Variants in TAF2 observed in about 807,000 individuals in gnomAD.
TAF2 encodes TATA-box binding protein associated factor 2.
TAF2 carries 61 observed loss-of-function variants against 138.5 expected under a neutral mutation model. That is an observed-to-expected ratio of 0.44 (90% CI 0.36 to 0.54). The LOEUF (loss-of-function observed/expected upper bound fraction) is 0.54, where lower values mean the gene tolerates loss of function less well. Among genes scored for constraint, TAF2 ranks in the 20% least tolerant of loss-of-function variants. The pLI is 0.00. For missense variants in TAF2, 1,090 were observed against 1,427.9 expected, an observed-to-expected ratio of 0.76 and a Z score of 3.81; for synonymous variants, 475 against 469.9, an observed-to-expected ratio of 1.01 and a Z score of -0.14.
chr8:119,828,778 G>C (rs568465018), intron 2 of TAF2, among the ~76,000 whole-genome samples: 2 of 152,308 alleles, frequency 1.3e-5, no homozygotes, highest in East Asian at 3.9e-4. Context: ...GGTGGGAACA[G>C]GGCTGAACTG....
chr8:119,744,843 C>T (rs905895021), intron 23 of TAF2: 49 of 452,784 alleles, frequency 1.1e-4, no homozygotes, highest in African/African-American at 8.2e-4. Context: ...AGGTGAATAT[C>T]CTACACTGTT....
intron 8 of TAF2, 135 bp downstream of exon 8, chr8:119,796,855 C>T: frequency 1.6e-6 from 1 of 620,644 alleles, no homozygotes. Context: ...AATCATTTTT[C>T]TTTAAATACA....
At chr8:119,792,932 T>C (rs1823542760) in intron 10 of TAF2, among the ~76,000 whole-genome samples, 1 of 152,148 alleles carries the variant, frequency 6.6e-6, no homozygotes, top group South Asian at 2.1e-4. Context: ...ATTTCTACTG[T>C]TTACATTATT....
intron 18 of TAF2, among the ~76,000 whole-genome samples, chr8:119,775,554 T>C (rs1822167739): frequency 6.6e-6 from 1 of 151,440 alleles, no homozygotes. Context: ...AGTACAACAA[T>C]TAGCTGGGCG....
chr8:119,739,944 G>A (rs1368815858), intron 25 of TAF2, among the ~76,000 whole-genome samples: 1 of 151,810 alleles, frequency 6.6e-6, no homozygotes, highest in Non-Finnish European at 1.5e-5. Context: ...AAAAACTTTT[G>A]TGAGACTTAT....
intron 11 of TAF2, among the ~76,000 whole-genome samples, chr8:119,790,986 G>T (rs1823387046): frequency 1.3e-5 from 1 of 76,986 alleles, no homozygotes; most frequent in Non-Finnish European, 3.3e-5. Flanking sequence ...TTTTTGAGAT[G>T]GGGGGGGTCT....
At chr8:119,787,519 C>A (rs1823105891) in intron 14 of TAF2, among the ~76,000 whole-genome samples, 1 of 152,036 alleles carries the variant, frequency 6.6e-6, no homozygotes, top group Non-Finnish European at 1.5e-5. Context: ...TAGAGAAATG[C>A]AAATCAAAAC....
In TAF2 at chr8:119,809,283, GTTC is replaced by G. The variant is rs1182054418; in HGVS notation, c.300-2885_300-2883del. On this transcript the variant is annotated intron_variant, in intron 3 of 25. Transcript: ENST00000378164. ...AACCAGCCTCTCTTAGCTTCAAAAT[GTTC>G]TTCTGCAGCTTCCTCACCTCTCAGC... Among the ~76,000 whole-genome samples the G allele has an allele frequency of 5.3e-5, 8 of 152,320 alleles. No homozygotes were observed. The East Asian group carries it at 1.5e-3, about 29-fold the overall frequency.
At chr8:119,793,530 T>A in intron 9 of TAF2, 79 bp from the exon 10 acceptor site, 1 of 979,794 alleles carries the variant, frequency 1.0e-6, no homozygotes, top group Non-Finnish European at 1.6e-6. Flanking sequence ...AGAATTAAAC[T>A]GTGAATTCTC....
Position 119,758,096 on chromosome 8 carries a change from C to T in TAF2, c.2745G>A (p.Gln915=). The T allele has an allele frequency of 6.2e-7, 1 of 1,613,382 alleles. No individual in the cohort carries two copies. The highest frequency in any genetic ancestry group is 8.5e-7 in the Non-Finnish European group (1 of 1,179,720). The change falls in exon 21 of 26, where the codon CAG becomes CAA. Residue 915 remains glutamine (Q), a synonymous_variant. Coordinates refer to ENST00000378164, the MANE Select transcript of TAF2 (RefSeq NM_003184.4). ...EELQWLLNMI[Q]NDPVPYVRHK... is the part of the protein sequence containing the mutation. ...ACCTTACATAGGGTACAGGGTCATT[C>T]TGAATCATATTAAGTAGCCATTGCA...
chr8:119,805,381 T>G (rs1270364203), intron 4 of TAF2, among the ~76,000 whole-genome samples: 2 of 152,156 alleles, frequency 1.3e-5, no homozygotes, highest in Non-Finnish European at 2.9e-5. Context: ...AATTTGATAT[T>G]GTGCAGGTTC....
At chr8:119,797,889 A>G in intron 6 of TAF2, 43 bp from the exon 7 acceptor site, 3 of 1,587,674 alleles carry the variant, frequency 1.9e-6, no homozygotes, top group Non-Finnish European at 2.6e-6. Context: ...TGAAAGAGTT[A>G]AATTTAATAT....
chr8:119,752,184 T>G (rs183558418), intron 22 of TAF2, among the ~76,000 whole-genome samples: 1 of 152,288 alleles, frequency 6.6e-6, no homozygotes, highest in Admixed American at 6.5e-5. Context: ...TTAAAATTTT[T>G]AAGCTTTAAA....
At chr8:119,739,182 G>A (rs182269862) in intron 25 of TAF2, among the ~76,000 whole-genome samples, 7 of 152,014 alleles carry the variant, frequency 4.6e-5, no homozygotes, top group East Asian at 1.9e-4. Flanking sequence ...CCCCTTGCCC[G>A]GCCTCTCTTC....
In TAF2 at chr8:119,760,432, C is replaced by A. The variant is rs59261392; in HGVS notation, c.2698+167G>T. The A allele has an allele frequency of 1.0e-3, 773 of 773,432 alleles. 5 individuals carry two copies. In the African/African-American group the frequency reaches 0.012, roughly 12 times the overall value. 47.9% of individuals were successfully genotyped at this position (773,432 alleles called of 1,614,324 possible). On this transcript the variant is annotated intron_variant, in intron 20 of 25. Coordinates refer to ENST00000378164, the MANE Select transcript of TAF2 (RefSeq NM_003184.4). Reference sequence around the variant, plus strand: ...TATTCCTTTCCCTCATTTATTAACTCTTATGTGAATTCTACATTTATCAAA... The same window carrying A: ...TATTCCTTTCCCTCATTTATTAACTATTATGTGAATTCTACATTTATCAAA...
chr8:119,768,548 T>G (rs926166409), intron 18 of TAF2, among the ~76,000 whole-genome samples: 1 of 152,226 alleles, frequency 6.6e-6, no homozygotes, highest in South Asian at 2.1e-4. Context: ...TCAATTTTTT[T>G]GAATGTATTG....
At position 119,760,700 on chromosome 8, in the gene TAF2, T is replaced by G; in HGVS notation, c.2597A>C (p.His866Pro). ...AAAAAGAGCTGGATCACTTGGCACA[T>G]GTCCGTTCTTCTGAAGTACCCGTAT... ...RAIRVLQKNG[H>P]VPSDPALFKS... Residue 866 changes from histidine (H) to proline (P), a missense_variant, in exon 20 of 26, where the codon CAT (histidine) becomes CCT (proline). Transcript: ENST00000378164. The G allele has an allele frequency of 6.2e-7, 1 of 1,614,002 alleles. No homozygotes were observed. The highest frequency in any genetic ancestry group is 1.7e-5 in the Admixed American group (1 of 60,034).
chr8:119,766,391 T>C (rs1821419791), intron 18 of TAF2, among the ~76,000 whole-genome samples: 1 of 152,072 alleles, frequency 6.6e-6, no homozygotes, highest in South Asian at 2.1e-4. Flanking sequence ...CAACCCGAAA[T>C]ATTAGAGGTG....
chr8:119,790,388 C>T (rs561537094), intron 11 of TAF2, among the ~76,000 whole-genome samples: 6 of 151,734 alleles, frequency 4.0e-5, no homozygotes, highest in Non-Finnish European at 7.4e-5. Context: ...TGCAGTGGGC[C>T]GTGACTGCAC....
Sources: gnomAD v4.1 joint callset for allele counts (sites outside exome capture counted in the v4.1 genomes callset) on GRCh38, gnomAD v4.1.1 for gene constraint, MANE v1.5 for transcripts, NCBI Gene and HGNC (gene_info 2026-07-23, HGNC 2026-07-21) for gene names.